Variants in PARD6G observed in about 807,000 individuals in gnomAD.
PARD6G encodes partitioning defective 6 homolog gamma.
A neutral mutation model predicts 10.7 loss-of-function variants in PARD6G; 7 were observed. The observed-to-expected ratio is 0.66, with a 90% CI of 0.37 to 1.23. PARD6G has a LOEUF of 1.23. Ranked by LOEUF, PARD6G falls within the 50% of genes most tolerant of loss-of-function variation. PARD6G has a pLI of 0.02. For missense variants in PARD6G, 548 were observed against 571.8 expected, an observed-to-expected ratio of 0.96 and a Z score of 0.42; for synonymous variants, 287 against 269.4, an observed-to-expected ratio of 1.07 and a Z score of -0.64.
At chr18:80,204,270 A>C (rs1007974090) in intron 1 of PARD6G, among the ~76,000 whole-genome samples, 1 of 152,208 alleles carries the variant, frequency 6.6e-6, no homozygotes, top group Non-Finnish European at 1.5e-5. Context: ...CATTGTATGA[A>C]TGAGTCAGGG....
At position 80,188,273 on chromosome 18, in the gene PARD6G, T is replaced by C. The variant is rs1599856894; in HGVS notation, c.295+14437A>G. On this transcript the variant is annotated intron_variant, in intron 2 of 2. Transcript: ENST00000353265. The surrounding 1 kb of genome is among the most constrained non-coding windows in gnomAD (Gnocchi z 5.4). Reference sequence around the variant, plus strand: ...TGGCCTCTCCCTAAGGGCGTGGAGGTGGCCTGATCTCACTGCCTGCGTCAG... The same window carrying C: ...TGGCCTCTCCCTAAGGGCGTGGAGGCGGCCTGATCTCACTGCCTGCGTCAG... Among the ~76,000 whole-genome samples the C allele has an allele frequency of 6.6e-6, 1 of 152,018 alleles. No individual in the cohort carries two copies.
chr18:80,223,826 G>T (rs1967257676), intron 1 of PARD6G, among the ~76,000 whole-genome samples: 1 of 152,208 alleles, frequency 6.6e-6, no homozygotes, highest in South Asian at 2.1e-4. Flanking sequence ...GCCAGCATCT[G>T]CTGTAAGCAC....
chr18:80,219,203 G>GGTCT (rs1967203468), intron 1 of PARD6G, among the ~76,000 whole-genome samples: 1 of 143,010 alleles, frequency 7.0e-6, no homozygotes, highest in South Asian at 2.2e-4. Context: ...CAGAAAATAG[G>GGTCT]GTTTGTTTGT....
Position 80,183,548 on chromosome 18 carries a change from T to C in PARD6G, c.295+19162A>G. 1 of 187,220 alleles carries C rather than the reference T, an allele frequency of 5.3e-6. No individual in the cohort carries two copies. Among genetic ancestry groups the C allele is most frequent in the Non-Finnish European group, 1.1e-5 (1 of 90,846 alleles). The allele number at this position is 187,220 out of a possible 1,614,324, so 11.6% of individuals were successfully genotyped here. Reference sequence around the variant, plus strand: ...CCCAGCTCGAGCACTGTGCGGCCACTCTCTCTCCAAGTACTCTCTGCCCGG... The same window carrying C: ...CCCAGCTCGAGCACTGTGCGGCCACCCTCTCTCCAAGTACTCTCTGCCCGG... On this transcript the variant is annotated intron_variant, in intron 2 of 2. Transcript: ENST00000353265. This position sits in a 1 kb window ranked among gnomAD's most constrained non-coding sequence, Gnocchi z 4.5.
chr18:80,221,539 TAGAA>T (rs1371028232), intron 1 of PARD6G, among the ~76,000 whole-genome samples: 2 of 152,164 alleles, frequency 1.3e-5, no homozygotes, highest in Non-Finnish European at 2.9e-5. Flanking sequence ...AAACTAGGAA[TAGAA>T]AGAGACTTCT....
chr18:80,238,144 C>T (rs143711036), intron 1 of PARD6G, among the ~76,000 whole-genome samples: 3,900 of 152,162 alleles, frequency 0.026, 164 homozygotes, highest in African/African-American at 0.089. Flanking sequence ...ATATACACCA[C>T]GGAATACTAT....
In PARD6G at chr18:80,160,633, GAC is replaced by G. The variant is rs778398286; in HGVS notation, c.296-29_296-28del. 60 of 1,432,732 alleles carry G rather than the reference GAC, an allele frequency of 4.2e-5. No individual in the cohort carries two copies. In the South Asian group the frequency reaches 7.1e-4, roughly 17 times the overall value. The allele number at this position is 1,432,732 out of a possible 1,614,324, so 88.8% of individuals were successfully genotyped here. A position where few individuals can be genotyped will look rare whatever the true frequency, so the allele number is the denominator to read the frequency against. ...TGCGGGAGAGGGGACAGTTAGAGGGGACACACAACCGAGCCCCGCCTGAGCCC... is the reference window on the plus strand; with the variant it reads ...TGCGGGAGAGGGGACAGTTAGAGGGGACACAACCGAGCCCCGCCTGAGCCC... On this transcript the variant is annotated intron_variant, in intron 2 of 2. Transcript: ENST00000353265.
intron 2 of PARD6G, chr18:80,170,897 G>C (rs1031071681): frequency 6.6e-6 from 1 of 152,120 alleles, no homozygotes; most frequent in African/African-American, 2.4e-5. Context: ...CCTTTCCCCA[G>C]TTTTGCTGGG....
chr18:80,175,889 C>T lies in PARD6G; in HGVS notation c.296-15283G>A, dbSNP rs956065205. 2 of 167,180 alleles carry T rather than the reference C, an allele frequency of 1.2e-5. No homozygotes were observed. Among genetic ancestry groups the T allele is most frequent in the African/African-American group, 4.8e-5 (2 of 41,460 alleles). The allele number at this position is 167,180 out of a possible 1,614,324, so 10.4% of individuals were successfully genotyped here. A position where few individuals can be genotyped will look rare whatever the true frequency, so the allele number is the denominator to read the frequency against. On this transcript the variant is annotated intron_variant, in intron 2 of 2. Transcript: ENST00000353265. The surrounding 1 kb of genome is among the most constrained non-coding windows in gnomAD (Gnocchi z 6.7). ...CTCTGAAATTCTGCAGGTGGTACCT[C>T]TAAATCCAAAAACTCCAAATGTCCA... is the stretch of plus-strand genomic sequence containing the variant.
At chr18:80,179,177 G>A (rs73492480) in intron 2 of PARD6G, among the ~76,000 whole-genome samples, 6,237 of 151,910 alleles carry the variant, frequency 0.041, 468 homozygotes, top group African/African-American at 0.14. Flanking sequence ...CACGTGGTGT[G>A]GCCCACAGCA....
Position 80,181,490 on chromosome 18 carries a change from G to A in PARD6G, c.296-20884C>T, listed in dbSNP as rs565966875. Among the ~76,000 whole-genome samples the A allele has an allele frequency of 6.6e-5, 10 of 152,238 alleles. No homozygotes were observed. Among genetic ancestry groups the A allele is most frequent in the African/African-American group, 1.9e-4 (8 of 41,520 alleles). ...AGGCCTCATCTCCATACAGCGCTGC[G>A]GCCAGCTGGTGACAGGTCTCAAAGG... On this transcript the variant is annotated intron_variant, in intron 2 of 2. Coordinates refer to ENST00000353265, the MANE Select transcript of PARD6G (RefSeq NM_032510.4). This position sits in a 1 kb window ranked among gnomAD's most constrained non-coding sequence, Gnocchi z 7.9.
Position 80,188,013 on chromosome 18 carries a change from G to A in PARD6G, c.295+14697C>T, listed in dbSNP as rs2052889307. 1 of 152,222 alleles carries A rather than the reference G, an allele frequency of 6.6e-6. No individual in the cohort carries two copies. Among genetic ancestry groups the A allele is most frequent in the Admixed American group, 6.5e-5 (1 of 15,282 alleles). The allele number at this position is 152,222 out of a possible 1,614,324, so 9.4% of individuals were successfully genotyped here. A position where few individuals can be genotyped will look rare whatever the true frequency, so the allele number is the denominator to read the frequency against. ...AGAAAAAATAAAATCTTACGGGACT[G>A]CTGCATATGTGCTCCATCACTGACT... On this transcript the variant is annotated intron_variant, in intron 2 of 2. Transcript: ENST00000353265. This position sits in a 1 kb window ranked among gnomAD's most constrained non-coding sequence, Gnocchi z 5.4.
chr18:80,239,475 A>G (rs1298365074), intron 1 of PARD6G, among the ~76,000 whole-genome samples: 1 of 152,208 alleles, frequency 6.6e-6, no homozygotes. Context: ...AAAATCTCAT[A>G]AAGTTTTAGG....
chr18:80,223,829 G>A (rs1190616167), intron 1 of PARD6G, among the ~76,000 whole-genome samples: 1 of 152,204 alleles, frequency 6.6e-6, no homozygotes, highest in Non-Finnish European at 1.5e-5. Flanking sequence ...AGCATCTGCT[G>A]TAAGCACACA....
At chr18:80,191,479 C>T (rs1319659391) in intron 2 of PARD6G, among the ~76,000 whole-genome samples, 1 of 152,204 alleles carries the variant, frequency 6.6e-6, no homozygotes, top group Non-Finnish European at 1.5e-5. Flanking sequence ...CAGCTCACCA[C>T]CAGGAGCCCC....
At chr18:80,237,769 G>C (rs554708835) in intron 1 of PARD6G, among the ~76,000 whole-genome samples, 1 of 152,312 alleles carries the variant, frequency 6.6e-6, no homozygotes, top group South Asian at 2.1e-4. Flanking sequence ...CTGGCCATCA[G>C]AGAAATGCAA....
At chr18:80,166,764 T>G (rs557491015) in intron 2 of PARD6G, among the ~76,000 whole-genome samples, 6 of 151,348 alleles carry the variant, frequency 4.0e-5, no homozygotes, top group Non-Finnish European at 8.8e-5. Context: ...TGCATAGCCC[T>G]CCCTGCAGAC....
rs940203078 is a variant in PARD6G, at chr18:80,159,136, C to A, written c.*635G>T. ...CCCAAGGTAGCTGGGATTACAGGCG[C>A]CTGCCACCACACCTGGCTAATTTTT... On this transcript the variant is annotated 3_prime_UTR_variant, in exon 3 of 3. Coordinates refer to ENST00000353265, the MANE Select transcript of PARD6G (RefSeq NM_032510.4). 3 of 152,010 alleles carry A rather than the reference C, an allele frequency of 2.0e-5. No homozygotes were observed. The highest frequency in any genetic ancestry group is 6.5e-5 in the Admixed American group (1 of 15,270). 9.4% of individuals were successfully genotyped at this position (152,010 alleles called of 1,614,324 possible). A position where few individuals can be genotyped will look rare whatever the true frequency, so the allele number is the denominator to read the frequency against.
At chr18:80,218,244 G>A (rs1029973953) in intron 1 of PARD6G, among the ~76,000 whole-genome samples, 3 of 152,046 alleles carry the variant, frequency 2.0e-5, no homozygotes, top group African/African-American at 7.2e-5. Flanking sequence ...AGTCTCATGT[G>A]AGACAAGCCA....
Sources: gnomAD v4.1 joint callset for allele counts (sites outside exome capture counted in the v4.1 genomes callset) on GRCh38, gnomAD v4.1.1 for gene constraint, Gnocchi (gnomAD v3.1) non-coding constraint, MANE v1.5 for transcripts, NCBI Gene and HGNC (gene_info 2026-07-23, HGNC 2026-07-21) for gene names.